CACNG3: variants seen among roughly 807,000 people sequenced by gnomAD.
The protein encoded by CACNG3 is voltage-dependent calcium channel gamma-3 subunit.
In CACNG3, 3 loss-of-function variants were observed where a neutral mutation model predicts 28.5. The observed-to-expected ratio is 0.11, with a 90% CI of 0.05 to 0.27. CACNG3 has a LOEUF of 0.27. Among genes scored for constraint, CACNG3 ranks in the 10% least tolerant of loss-of-function variants. CACNG3 has a pLI of 1.00. For missense variants in CACNG3, 236 were observed against 414.4 expected, an observed-to-expected ratio of 0.57 and a Z score of 3.74; for synonymous variants, 174 against 162.2, an observed-to-expected ratio of 1.07 and a Z score of -0.55.
intron 1 of CACNG3, among the ~76,000 whole-genome samples, chr16:24,260,417 G>C (rs1898522454): frequency 6.6e-6 from 1 of 152,144 alleles, no homozygotes; most frequent in South Asian, 2.1e-4. Context: ...CTTCAAAGCA[G>C]CTCAGTTGTG....
chr16:24,290,717 G>C (rs140426168), intron 1 of CACNG3, among the ~76,000 whole-genome samples: 2 of 152,150 alleles, frequency 1.3e-5, no homozygotes, highest in Non-Finnish European at 2.9e-5. Context: ...GGGATTACAG[G>C]TGTGAGCCAC....
intron 1 of CACNG3, among the ~76,000 whole-genome samples, chr16:24,293,428 A>C (rs977164059): frequency 6.6e-6 from 1 of 152,078 alleles, no homozygotes; most frequent in African/African-American, 2.4e-5. Context: ...CACTGCCTAC[A>C]TTTGAATCTT....
intron 1 of CACNG3, among the ~76,000 whole-genome samples, chr16:24,282,635 CA>C (rs1192165810): frequency 6.6e-6 from 1 of 152,068 alleles, no homozygotes; most frequent in Admixed American, 6.5e-5. Flanking sequence ...AACGTGGACA[CA>C]AAGTTGCTCT....
At chr16:24,313,002 A>T (rs1240790065) in intron 1 of CACNG3, among the ~76,000 whole-genome samples, 1 of 151,046 alleles carries the variant, frequency 6.6e-6, no homozygotes, top group African/African-American at 2.4e-5. Flanking sequence ...AAAGAAAGAA[A>T]GAAAAAGAGA....
intron 1 of CACNG3, among the ~76,000 whole-genome samples, chr16:24,320,328 G>A (rs557614396): frequency 6.6e-6 from 1 of 152,294 alleles, no homozygotes; most frequent in Admixed American, 6.5e-5. Context: ...TCATTGCTCT[G>A]CAGCAAAACT....
chr16:24,346,609 C>T, intron 1 of CACNG3, 125 bp from the exon 2 acceptor site: 1 of 658,260 alleles, frequency 1.5e-6, no homozygotes, highest in South Asian at 1.9e-5. Flanking sequence ...TTGGGCCTAC[C>T]AGCCCAACAA....
intron 1 of CACNG3, among the ~76,000 whole-genome samples, chr16:24,307,518 T>G (rs1019856057): frequency 1.3e-5 from 2 of 152,178 alleles, no homozygotes; most frequent in African/African-American, 4.8e-5. Context: ...CTCTGTCTGG[T>G]CCTGCTTCCC....
At chr16:24,348,699 T>A (rs867281226) in intron 2 of CACNG3, among the ~76,000 whole-genome samples, 20 of 152,212 alleles carry the variant, frequency 1.3e-4, no homozygotes, top group Middle Eastern at 6.3e-3. Flanking sequence ...TTAACCAAAA[T>A]TTGGGAGATG....
At chr16:24,311,453 G>A (rs761962339) in intron 1 of CACNG3, among the ~76,000 whole-genome samples, 7 of 150,018 alleles carry the variant, frequency 4.7e-5, no homozygotes, top group African/African-American at 7.4e-5. Flanking sequence ...AAGTTGTAGT[G>A]AGCTGAGATT....
At position 24,361,266 on chromosome 16, in the gene CACNG3, C is replaced by A; in HGVS notation, c.437-86C>A. 2 of 1,126,292 alleles carry A rather than the reference C, an allele frequency of 1.8e-6. No homozygotes were observed. The highest frequency in any genetic ancestry group is 2.6e-6 in the Non-Finnish European group (2 of 779,844). The allele number at this position is 1,126,292 out of a possible 1,614,324, so 69.8% of individuals were successfully genotyped here. On this transcript the variant is annotated intron_variant, in intron 3 of 3. Coordinates refer to ENST00000005284, the MANE Select transcript of CACNG3 (RefSeq NM_006539.4). The surrounding 1 kb of genome is among the most constrained non-coding windows in gnomAD (Gnocchi z 6.8). ...TTCTCCTCTCTCCCCATTACCTCCA[C>A]ATTTTCTATAAATATTTTAAGATGG... is the stretch of plus-strand genomic sequence containing the variant.
intron 1 of CACNG3, among the ~76,000 whole-genome samples, chr16:24,261,782 C>A (rs1034680156): frequency 6.6e-6 from 1 of 152,162 alleles, no homozygotes; most frequent in Non-Finnish European, 1.5e-5. Flanking sequence ...CATCAAACAT[C>A]TCGCTGAAAA....
At chr16:24,327,333 A>T (rs1342495665) in intron 1 of CACNG3, among the ~76,000 whole-genome samples, 1 of 150,268 alleles carries the variant, frequency 6.7e-6, no homozygotes, top group African/African-American at 2.4e-5. Context: ...GCAAAGTGAG[A>T]GGATCACTTG....
chr16:24,351,917 G>A (rs1899953499), intron 2 of CACNG3, among the ~76,000 whole-genome samples: 1 of 137,996 alleles, frequency 7.2e-6, no homozygotes, highest in South Asian at 2.4e-4. Flanking sequence ...CCGGGTTCAC[G>A]CCATTCTCCT....
chr16:24,312,230 A>G (rs978591501), intron 1 of CACNG3, among the ~76,000 whole-genome samples: 1 of 152,200 alleles, frequency 6.6e-6, no homozygotes, highest in Non-Finnish European at 1.5e-5. Context: ...CTGCTATGCC[A>G]CAAGTCCCTC....
intron 1 of CACNG3, among the ~76,000 whole-genome samples, chr16:24,282,908 G>C (rs1407481210): frequency 6.6e-6 from 1 of 152,002 alleles, no homozygotes; most frequent in Non-Finnish European, 1.5e-5. Flanking sequence ...CTGTCTCCCA[G>C]GCTGGAGTGC....
intron 1 of CACNG3, among the ~76,000 whole-genome samples, chr16:24,338,215 C>G (rs987600582): frequency 6.6e-6 from 1 of 152,130 alleles, no homozygotes; most frequent in Non-Finnish European, 1.5e-5. Context: ...GGCTCCTTCT[C>G]TTTTTTCAGG....
At chr16:24,346,865 T>C (rs9940070) in intron 2 of CACNG3, 48 bp downstream of exon 2, 49,333 of 1,438,568 alleles carry the variant, frequency 0.034, 1,541 homozygotes, top group African/African-American at 0.16. Context: ...GGGATGGGCC[T>C]CTGCCATCAC....
chr16:24,278,769 AG>A (rs1898783832), intron 1 of CACNG3, among the ~76,000 whole-genome samples: 1 of 152,204 alleles, frequency 6.6e-6, no homozygotes. Context: ...AGGCACAGAG[AG>A]GTTAAGTAAC....
intron 1 of CACNG3, among the ~76,000 whole-genome samples, chr16:24,267,471 A>G (rs1898628467): frequency 6.6e-6 from 1 of 152,020 alleles, no homozygotes; most frequent in Non-Finnish European, 1.5e-5. Flanking sequence ...AATTTTTTGT[A>G]GAGATGGGGT....
Sources: allele counts gnomAD v4.1 joint callset (sites outside exome capture counted in the v4.1 genomes callset), GRCh38; gene constraint gnomAD v4.1.1; non-coding constraint Gnocchi (gnomAD v3.1); transcripts MANE v1.5; gene names NCBI Gene and HGNC (gene_info 2026-07-23, HGNC 2026-07-21).